LINGO2: variants seen among roughly 807,000 people sequenced by gnomAD.
LINGO2 encodes the protein leucine rich repeat and Ig domain containing 2, also known as leucine-rich repeat and immunoglobulin-like domain-containing nogo receptor-interacting protein 2.
In LINGO2, 14 loss-of-function variants were observed where a neutral mutation model predicts 30.6. The ratio of observed to expected loss-of-function variants is 0.46; its 90% CI spans 0.30 to 0.72. The LOEUF (loss-of-function observed/expected upper bound fraction) is 0.72. Ranked by LOEUF, LINGO2 falls within the 30% of genes least tolerant of loss-of-function variation. The pLI, the probability that LINGO2 is intolerant of heterozygous loss-of-function variation, is 0.07. For missense variants in LINGO2, 729 were observed against 751.7 expected, an observed-to-expected ratio of 0.97 and a Z score of 0.35; for synonymous variants, 317 against 288.5, an observed-to-expected ratio of 1.10 and a Z score of -1.00.
At chr9:28,612,085 A>C (rs184343291) in intron 1 of LINGO2, among the ~76,000 whole-genome samples, 1 of 152,028 alleles carries the variant, frequency 6.6e-6, no homozygotes, top group Admixed American at 6.6e-5. Context: ...TTTATTTTTA[A>C]GGCGGGGTCT....
intron 1 of LINGO2, among the ~76,000 whole-genome samples, chr9:28,665,366 C>A (rs111985494): frequency 4.6e-5 from 7 of 152,098 alleles, no homozygotes; most frequent in African/African-American, 1.4e-4. Flanking sequence ...CAAATATGTG[C>A]AACACATTTA....
chr9:28,251,940 G>T (rs1699458930), intron 4 of LINGO2, among the ~76,000 whole-genome samples: 1 of 152,124 alleles, frequency 6.6e-6, no homozygotes, highest in African/African-American at 2.4e-5. Flanking sequence ...ACTGGGCCAA[G>T]GGTTAGGAGA....
chr9:28,059,063 G>T (rs924527328), intron 4 of LINGO2, among the ~76,000 whole-genome samples: 2 of 152,112 alleles, frequency 1.3e-5, no homozygotes, highest in African/African-American at 4.8e-5. Context: ...TAGTTAGGCT[G>T]TTGGGAAAAA....
chr9:29,008,524 C>T, the LINGO2 span, among the ~76,000 whole-genome samples: 1 of 152,294 alleles, frequency 6.6e-6, no homozygotes, highest in Non-Finnish European at 1.5e-5. Context: ...AATGGTTGAA[C>T]AACTTTACAG....
chr9:29,045,624 G>C, the LINGO2 span, among the ~76,000 whole-genome samples: 1 of 150,472 alleles, frequency 6.6e-6, no homozygotes, highest in African/African-American at 2.4e-5. Flanking sequence ...TAGGCTCTTT[G>C]GGTTCTACTT....
chr9:28,952,152 C>G, the LINGO2 span, among the ~76,000 whole-genome samples: 1 of 150,478 alleles, frequency 6.6e-6, no homozygotes, highest in African/African-American at 2.5e-5. Flanking sequence ...CAGAGATAGA[C>G]AGTCAGTGGT....
At chr9:28,127,910 G>C (rs994915944) in intron 4 of LINGO2, among the ~76,000 whole-genome samples, 12 of 152,112 alleles carry the variant, frequency 7.9e-5, no homozygotes, top group Non-Finnish European at 1.5e-4. Context: ...TTTATCTCTT[G>C]TCTCTGCTTA....
At chr9:28,153,359 A>G (rs188212633) in intron 4 of LINGO2, among the ~76,000 whole-genome samples, 10 of 152,286 alleles carry the variant, frequency 6.6e-5, no homozygotes, top group Admixed American at 5.9e-4. Context: ...GAATGTGTAT[A>G]TATGGAGATA....
At position 28,578,889 on chromosome 9, in the gene LINGO2, G is replaced by A. The variant is rs75113461; in HGVS notation, c.-365+91311C>T. ...CTGTTCTTGAAAGTTAGTAAAATAG[G>A]TTAAGCTTAGGTTGTTACCCCAGTC... On this transcript the variant is annotated intron_variant, in intron 1 of 5. Coordinates refer to ENST00000379992, the Ensembl canonical transcript of LINGO2. Among the ~76,000 whole-genome samples, 1,290 of 152,198 alleles carry A rather than the reference G, an allele frequency of 8.5e-3. 27 individuals are homozygous for A. The highest frequency in any genetic ancestry group is 0.055 in the East Asian group (284 of 5,176).
intron 4 of LINGO2, among the ~76,000 whole-genome samples, chr9:28,261,467 A>G (rs548787792): frequency 1.6e-4 from 24 of 152,084 alleles, no homozygotes; most frequent in Non-Finnish European, 7.4e-5. Flanking sequence ...TTTGCTACAT[A>G]GGAGACTTTT....
the LINGO2 span, among the ~76,000 whole-genome samples, chr9:29,037,659 A>G: frequency 6.6e-6 from 1 of 151,996 alleles, no homozygotes; most frequent in Non-Finnish European, 1.5e-5. Flanking sequence ...TGTCTAATGT[A>G]CTGTTTCATA....
At chr9:28,164,024 A>G (rs1828359552) in intron 4 of LINGO2, among the ~76,000 whole-genome samples, 2 of 152,220 alleles carry the variant, frequency 1.3e-5, no homozygotes, top group Admixed American at 1.3e-4. Context: ...AAAGTCAAAA[A>G]TATAAATTAA....
intron 5 of LINGO2, among the ~76,000 whole-genome samples, chr9:27,999,323 G>C (rs1821824858): frequency 6.6e-6 from 1 of 152,080 alleles, no homozygotes; most frequent in Admixed American, 6.5e-5. Flanking sequence ...AGAGACTCAG[G>C]TGGAAAAGAG....
At chr9:28,250,824 G>A (rs1276875032) in intron 4 of LINGO2, among the ~76,000 whole-genome samples, 3 of 152,170 alleles carry the variant, frequency 2.0e-5, no homozygotes, top group Non-Finnish European at 4.4e-5. Flanking sequence ...GCCAGAGGAG[G>A]ACTAGTGGAC....
the LINGO2 span, among the ~76,000 whole-genome samples, chr9:28,943,198 T>G: frequency 3.2e-4 from 49 of 152,292 alleles, no homozygotes; most frequent in South Asian, 0.01. Context: ...GTCATTTTAG[T>G]AGGGAGCATT....
chr9:28,837,899 A>T, the LINGO2 span, among the ~76,000 whole-genome samples: 1 of 151,598 alleles, frequency 6.6e-6, no homozygotes, highest in African/African-American at 2.4e-5. Flanking sequence ...TTTCCAGAAA[A>T]AGTAGATTTA....
chr9:28,157,234 C>T (rs781440256), intron 4 of LINGO2, among the ~76,000 whole-genome samples: 1 of 152,208 alleles, frequency 6.6e-6, no homozygotes, highest in Non-Finnish European at 1.5e-5. Context: ...GGTTCCCAAA[C>T]CCCAATTCTT....
At chr9:28,250,228 G>A (rs1487824876) in intron 4 of LINGO2, among the ~76,000 whole-genome samples, 1 of 152,132 alleles carries the variant, frequency 6.6e-6, no homozygotes. Context: ...TTCAAAATAT[G>A]CACAGAGAGA....
chr9:28,207,550 A>G (rs532259525), intron 4 of LINGO2, among the ~76,000 whole-genome samples: 18 of 152,212 alleles, frequency 1.2e-4, no homozygotes, highest in African/African-American at 4.1e-4. Context: ...GAGAGTAAAA[A>G]AAGTCTCCTC....
Sources: gnomAD v4.1 joint callset for allele counts (sites outside exome capture counted in the v4.1 genomes callset) on GRCh38, gnomAD v4.1.1 for gene constraint, MANE v1.5 for transcripts, NCBI Gene and HGNC (gene_info 2026-07-23, HGNC 2026-07-21) for gene names.